Variants in DCC observed in about 807,000 individuals in gnomAD.
DCC encodes DCC netrin 1 receptor.
DCC carries 58 observed loss-of-function variants against 172.5 expected under a neutral mutation model. That is an observed-to-expected ratio of 0.34 (90% CI 0.27 to 0.42). The LOEUF is 0.42. DCC is among the 10% of genes least tolerant of loss of function. The pLI is 1.00. For missense variants in DCC, 1,740 were observed against 1,791.0 expected (o/e 0.97, Z 0.51); for synonymous variants, 709 against 644.5 (o/e 1.10, Z -1.52).
intron 2 of DCC, among the ~76,000 whole-genome samples, chr18:52,816,105 T>A (rs897444218): frequency 1.3e-5 from 2 of 152,220 alleles, no homozygotes; most frequent in African/African-American, 4.8e-5. Context: ...AGGGAGATAC[T>A]ATTATTAATC....
At chr18:52,980,344 C>T (rs1370527775) in intron 5 of DCC, among the ~76,000 whole-genome samples, 1 of 152,090 alleles carries the variant, frequency 6.6e-6, no homozygotes, top group Non-Finnish European at 1.5e-5. Context: ...TTTAATTCAT[C>T]TTTAAATATC....
chr18:52,865,526 G>A (rs879279633), intron 2 of DCC, among the ~76,000 whole-genome samples: 6 of 151,630 alleles, frequency 4.0e-5, no homozygotes, highest in East Asian at 1.9e-4. Flanking sequence ...TTTAATGATC[G>A]CCATTCTAAC....
chr18:53,065,908 C>T (rs372995168), intron 6 of DCC, 138 bp from the exon 7 acceptor site: 51 of 983,808 alleles, frequency 5.2e-5, no homozygotes, highest in East Asian at 7.4e-5. Context: ...GACACGTCTG[C>T]GAGGCTGAGA....
intron 28 of DCC, among the ~76,000 whole-genome samples, chr18:53,528,124 T>G (rs1305765374): frequency 6.6e-6 from 1 of 152,142 alleles, no homozygotes; most frequent in East Asian, 1.9e-4. Context: ...AGGTCTTTTA[T>G]AAAAATTATA....
At chr18:53,198,758 T>TA (rs1381027431) in intron 9 of DCC, among the ~76,000 whole-genome samples, 1 of 152,156 alleles carries the variant, frequency 6.6e-6, no homozygotes, top group Non-Finnish European at 1.5e-5. Context: ...TATTGAAATT[T>TA]AAAAAAGGTA....
At chr18:53,324,916 A>G (rs2057450404) in intron 14 of DCC, among the ~76,000 whole-genome samples, 1 of 152,154 alleles carries the variant, frequency 6.6e-6, no homozygotes, top group Non-Finnish European at 1.5e-5. Context: ...TTAATCAAGT[A>G]GTCAGCTAGC....
intron 16 of DCC, among the ~76,000 whole-genome samples, chr18:53,388,170 A>G (rs1397057380): frequency 3.3e-5 from 5 of 152,256 alleles, no homozygotes; most frequent in African/African-American, 1.2e-4. Flanking sequence ...TATTGGAGAA[A>G]AGCCAGTTAA....
At chr18:52,933,459 A>G (rs1478856253) in intron 5 of DCC, among the ~76,000 whole-genome samples, 1 of 151,602 alleles carries the variant, frequency 6.6e-6, no homozygotes, top group African/African-American at 2.4e-5. Flanking sequence ...TGTTGAGGGG[A>G]GAGTATCTGA....
chr18:52,515,928 G>GAAAAA (rs34820684), intron 1 of DCC, among the ~76,000 whole-genome samples: 1 of 115,066 alleles, frequency 8.7e-6, no homozygotes. Flanking sequence ...TTAGAAAATG[G>GAAAAA]AAAAAAAAAA....
In DCC at chr18:52,423,551, G is replaced by GA. The variant is rs201656394; in HGVS notation, c.91+82686dup. On this transcript the variant is annotated intron_variant, in intron 1 of 28. Coordinates refer to ENST00000442544, the MANE Select transcript of DCC (RefSeq NM_005215.4). ...GATGAAGCCTGCTTTTCTCCTGTCAGAAAAAAAAAAAAAGTTTCCATTCTG... is the reference window on the plus strand; with the variant it reads ...GATGAAGCCTGCTTTTCTCCTGTCAGAAAAAAAAAAAAAAGTTTCCATTCTG... 3.2e-3 allele frequency among the ~76,000 whole-genome samples: 455 copies of GA among 140,124 alleles called. 1 individual carries two copies. Among genetic ancestry groups the GA allele is most frequent in the African/African-American group, 7.0e-3 (270 of 38,374 alleles). 91.9% of individuals were successfully genotyped at this position (140,124 alleles called of 152,430 possible).
At chr18:52,472,044 G>A (rs1254115242) in intron 1 of DCC, among the ~76,000 whole-genome samples, 1 of 152,174 alleles carries the variant, frequency 6.6e-6, no homozygotes, top group Non-Finnish European at 1.5e-5. Flanking sequence ...GTTACATAAA[G>A]TATCCTGGAG....
At chr18:52,469,033 TTA>T (rs1454051699) in intron 1 of DCC, among the ~76,000 whole-genome samples, 2 of 1,776 alleles carry the variant, frequency 1.1e-3, no homozygotes, top group Admixed American at 3.1e-3. Context: ...CAATTTTGAT[TTA>T]TTTATTTATT....
intron 1 of DCC, among the ~76,000 whole-genome samples, chr18:52,467,053 A>T (rs12604787): frequency 0.61 from 91,399 of 150,606 alleles, 27,999 homozygotes; most frequent in East Asian, 0.72. Context: ...TTAAAAAAAA[A>T]ATATATATAT....
intron 24 of DCC, among the ~76,000 whole-genome samples, chr18:53,466,970 C>T (rs542861338): frequency 1.9e-4 from 29 of 152,062 alleles, no homozygotes; most frequent in African/African-American, 5.8e-4. Flanking sequence ...AGTAATTATG[C>T]TGTTAATTTT....
In DCC at chr18:52,867,307, C is replaced by T. The variant is rs1175084895; in HGVS notation, c.413-38737C>T. Among the ~76,000 whole-genome samples the T allele has an allele frequency of 3.9e-5, 6 of 152,192 alleles. No homozygotes were observed. In the East Asian group the frequency reaches 7.7e-4, roughly 20 times the overall value. The stretch of plus-strand genomic sequence containing the variant: ...AGTATTTTATTGAGGATTTTCATAC[C>T]GATGTTCATCAGGGATATTGGCTTG... On this transcript the variant is annotated intron_variant, in intron 2 of 28. Coordinates refer to ENST00000442544, the MANE Select transcript of DCC (RefSeq NM_005215.4).
At chr18:52,467,182 G>T (rs1988810916) in intron 1 of DCC, among the ~76,000 whole-genome samples, 1 of 152,008 alleles carries the variant, frequency 6.6e-6, no homozygotes. Context: ...TTCTCCTAAT[G>T]CTATCCCTCC....
At chr18:53,321,936 A>G (rs914673307) in intron 13 of DCC, 111 bp from the exon 14 acceptor site, 7 of 769,226 alleles carry the variant, frequency 9.1e-6, no homozygotes, top group Non-Finnish European at 1.4e-5. Context: ...GTCACAAACA[A>G]TGTAAAGCAT....
At chr18:53,026,447 C>G (rs1312590569) in intron 5 of DCC, among the ~76,000 whole-genome samples, 1 of 152,150 alleles carries the variant, frequency 6.6e-6, no homozygotes, top group Non-Finnish European at 1.5e-5. Flanking sequence ...ATTCTAATGG[C>G]TGGCTTTCCT....
intron 11 of DCC, among the ~76,000 whole-genome samples, chr18:53,209,025 C>T (rs1030765290): frequency 6.6e-6 from 1 of 152,180 alleles, no homozygotes; most frequent in African/African-American, 2.4e-5. Flanking sequence ...GCCACTGCAC[C>T]CAGCCTCAAG....
Sources: gnomAD v4.1 joint callset for allele counts (sites outside exome capture counted in the v4.1 genomes callset) on GRCh38, gnomAD v4.1.1 for gene constraint, MANE v1.5 for transcripts, NCBI Gene and HGNC (gene_info 2026-07-23, HGNC 2026-07-21) for gene names.